The following ZNF280B variants were observed in gnomAD, a reference collection of about 807,000 sequenced individuals.
ZNF280B encodes suppressor of hairy wing homolog 2.
ZNF280B carries 16 observed loss-of-function variants against 38.0 expected under a neutral mutation model. The ratio of observed to expected loss-of-function variants is 0.42; its 90% CI spans 0.28 to 0.64. The LOEUF is 0.64. Among genes scored for constraint, ZNF280B ranks in the 30% least tolerant of loss-of-function variants. ZNF280B has a pLI of 0.21. For synonymous variants in ZNF280B, 253 were observed against 230.6 expected (o/e 1.10, Z -0.88); for missense variants, 581 against 639.6 (o/e 0.91, Z 0.99).
Position 22,486,988 on chromosome 22 carries a change from G to C in ZNF280B, c.*779C>G, listed in dbSNP as rs1340712413. On this transcript the variant is annotated 3_prime_UTR_variant, in exon 4 of 4. Transcript: ENST00000626650. The stretch of plus-strand genomic sequence containing the variant: ...CACTTCTGGGAATTCGGCAGCAAGT[G>C]GGCCAGGGCATAACAAAGCCATTCC... The C allele has an allele frequency of 6.6e-6, 1 of 151,916 alleles. No homozygotes were observed. Among genetic ancestry groups the C allele is most frequent in the Non-Finnish European group, 1.5e-5 (1 of 68,016 alleles). 9.4% of individuals were successfully genotyped at this position (151,916 alleles called of 1,614,324 possible).
chr22:22,493,643 C>T (rs2061639970), intron 3 of ZNF280B, among the ~76,000 whole-genome samples: 1 of 151,930 alleles, frequency 6.6e-6, no homozygotes, highest in East Asian at 2.0e-4. Context: ...CATGTCCATT[C>T]CTATTAATGG....
chr22:22,495,953 C>T (rs2061684509), intron 2 of ZNF280B, among the ~76,000 whole-genome samples: 1 of 151,286 alleles, frequency 6.6e-6, no homozygotes, highest in African/African-American at 2.4e-5. Flanking sequence ...TTACAGGCGC[C>T]CACCACCATG....
intron 2 of ZNF280B, among the ~76,000 whole-genome samples, chr22:22,497,889 G>A (rs147536738): frequency 0.015 from 2,205 of 151,830 alleles, 26 homozygotes; most frequent in South Asian, 0.029. Context: ...AGAAATAAAG[G>A]TACTCAAGTA....
At chr22:22,492,570 T>C (rs563132914) in intron 3 of ZNF280B, among the ~76,000 whole-genome samples, 1 of 152,070 alleles carries the variant, frequency 6.6e-6, no homozygotes, top group African/African-American at 2.4e-5. Context: ...TAATTCTAAA[T>C]GTATTTTCTA....
intron 2 of ZNF280B, among the ~76,000 whole-genome samples, chr22:22,498,583 C>A (rs1424979262): frequency 6.6e-6 from 1 of 151,776 alleles, no homozygotes; most frequent in Non-Finnish European, 1.5e-5. Context: ...AATCAAAAAA[C>A]TTCCCCAAAT....
Position 22,488,933 on chromosome 22 carries a change from C to G in ZNF280B, c.466G>C (p.Val156Leu), listed in dbSNP as rs772191561. ...ITFTDSLHHP[V>L]STALSVGGIN... Reference sequence around the variant, plus strand: ...CCTCCTACTGAAAGTGCTGTACTTACTGGATGATGCAATGAATCTGTGAAT... The same window carrying G: ...CCTCCTACTGAAAGTGCTGTACTTAGTGGATGATGCAATGAATCTGTGAAT... Residue 156 changes from valine (V) to leucine (L), a missense_variant, in exon 4 of 4, where the codon GTA (valine) becomes CTA (leucine). Val to Leu is a conservative substitution (Grantham distance 32, BLOSUM62 1). Transcript: ENST00000626650. 11 of 1,613,684 alleles carry G rather than the reference C, an allele frequency of 6.8e-6. No homozygotes were observed. The South Asian group carries it at 1.2e-4, about 18-fold the overall frequency.
At chr22:22,490,207 T>A (rs2061565778) in intron 3 of ZNF280B, among the ~76,000 whole-genome samples, 2 of 151,900 alleles carry the variant, frequency 1.3e-5, no homozygotes, top group Non-Finnish European at 2.9e-5. Context: ...ACTTACCCAC[T>A]GAACTTAAAC....
Position 22,488,005 on chromosome 22 carries a change from C to T in ZNF280B, c.1394G>A (p.Cys465Tyr). Reference protein sequence around the residue: ...WGKSAHQCSKCRLQFLTFKEK... With the variant: ...WGKSAHQCSKYRLQFLTFKEK... ...CTTGAAAGTTAAAAACTGTAGCCGG[C>T]ACTTGGAACACTGGTGTGCACTCTT... is the stretch of plus-strand genomic sequence containing the variant. The change falls in exon 4 of 4, where the codon TGC becomes TAC. Residue 465 changes from cysteine (C) to tyrosine (Y), a missense_variant. Transcript: ENST00000626650. 1.2e-6 allele frequency: 2 copies of T among 1,613,524 alleles called. No individual in the cohort carries two copies. The highest frequency in any genetic ancestry group is 1.7e-6 in the Non-Finnish European group (2 of 1,179,898).
intron 2 of ZNF280B, among the ~76,000 whole-genome samples, chr22:22,502,451 G>A (rs2061844547): frequency 6.6e-6 from 1 of 151,874 alleles, no homozygotes; most frequent in Admixed American, 6.6e-5. Context: ...ATATACCCAA[G>A]AGAATTGAAA....
At chr22:22,507,974 C>T (rs1259496264) in intron 1 of ZNF280B, 104 bp from the exon 2 acceptor site, 1 of 151,942 alleles carries the variant, frequency 6.6e-6, no homozygotes, top group Non-Finnish European at 1.5e-5. Flanking sequence ...TCATCTCACA[C>T]TTAACCAGAT....
intron 2 of ZNF280B, among the ~76,000 whole-genome samples, chr22:22,503,783 G>C (rs2061875664): frequency 6.6e-6 from 1 of 151,974 alleles, no homozygotes; most frequent in Non-Finnish European, 1.5e-5. Flanking sequence ...AAGTCCTTCA[G>C]TTTAGATGAT....
chr22:22,499,952 C>T (rs57693756), intron 2 of ZNF280B, among the ~76,000 whole-genome samples: 4,651 of 151,986 alleles, frequency 0.031, 141 homozygotes, highest in African/African-American at 0.074. Context: ...GGCCAAAGAA[C>T]TTGAATAGAC....
At chr22:22,504,080 T>A (rs2061881948) in intron 2 of ZNF280B, among the ~76,000 whole-genome samples, 1 of 152,024 alleles carries the variant, frequency 6.6e-6, no homozygotes, top group African/African-American at 2.4e-5. Flanking sequence ...GAACAAGGAA[T>A]GGACCTAAAC....
chr22:22,502,304 G>A (rs538235618), intron 2 of ZNF280B, among the ~76,000 whole-genome samples: 6 of 151,884 alleles, frequency 4.0e-5, no homozygotes, highest in South Asian at 2.1e-4. Flanking sequence ...AATCTCAAGC[G>A]TTGCAGAGGA....
Position 22,485,809 on chromosome 22 carries a change from T to C in ZNF280B, c.*1958A>G, listed in dbSNP as rs529194119. 1 of 152,054 alleles carries C rather than the reference T, an allele frequency of 6.6e-6. No individual in the cohort carries two copies. The highest frequency in any genetic ancestry group is 2.4e-5 in the African/African-American group (1 of 41,488). The allele number at this position is 152,054 out of a possible 1,614,324, so 9.4% of individuals were successfully genotyped here. ...GTCTACAGCCAAGATGGCGGATTCC[T>C]TGACTGGTGAAGACAGGCTGCTGGG... On this transcript the variant is annotated 3_prime_UTR_variant, in exon 4 of 4. Transcript: ENST00000626650.
chr22:22,504,460 C>A (rs558990702), intron 2 of ZNF280B, among the ~76,000 whole-genome samples: 2 of 151,656 alleles, frequency 1.3e-5, no homozygotes, highest in East Asian at 3.9e-4. Flanking sequence ...AACTTGTGCC[C>A]ACATTAACTA....
At chr22:22,494,812 C>G (rs555616984) in intron 2 of ZNF280B, among the ~76,000 whole-genome samples, 1 of 152,044 alleles carries the variant, frequency 6.6e-6, no homozygotes, top group African/African-American at 2.4e-5. Flanking sequence ...TCTCGGCCCA[C>G]TGCAATCTCT....
At chr22:22,503,289 T>G (rs2061862681) in intron 2 of ZNF280B, among the ~76,000 whole-genome samples, 1 of 152,090 alleles carries the variant, frequency 6.6e-6, no homozygotes, top group Middle Eastern at 3.5e-3. Context: ...TGAAATGTCT[T>G]GGAATTAGAT....
rs2061854707 is a variant in ZNF280B, at chr22:22,502,927, A to G, written c.-187+4883T>C. Among the ~76,000 whole-genome samples the G allele has an allele frequency of 3.3e-5, 5 of 151,970 alleles. No individual in the cohort carries two copies. In the South Asian group the frequency reaches 1.0e-3, roughly 32 times the overall value. ...AGGTGGGCCCTAAATGCCACCACAA[A>G]TGTCCTTGTAAGAGAAGCAGAGGGA... is the stretch of plus-strand genomic sequence containing the variant. On this transcript the variant is annotated intron_variant, in intron 2 of 3. Transcript: ENST00000626650.
Sources: gnomAD v4.1 joint callset for allele counts (sites outside exome capture counted in the v4.1 genomes callset) on GRCh38, gnomAD v4.1.1 for gene constraint, MANE v1.5 for transcripts, NCBI Gene and HGNC (gene_info 2026-07-23, HGNC 2026-07-21) for gene names.